SNX27: variants seen among roughly 807,000 people sequenced by gnomAD.
SNX27 encodes the protein sorting nexin-27.
In SNX27, 22 loss-of-function variants were observed where a neutral mutation model predicts 71.6. The ratio of observed to expected loss-of-function variants is 0.31; its 90% CI spans 0.22 to 0.44. The LOEUF (loss-of-function observed/expected upper bound fraction) is 0.44. Ranked by LOEUF, SNX27 falls within the 20% of genes least tolerant of loss-of-function variation. SNX27 has a pLI of 1.00. For synonymous variants in SNX27, 269 were observed against 277.2 expected (o/e 0.97, Z 0.29); for missense variants, 531 against 698.6 (o/e 0.76, Z 2.70).
At position 151,668,534 on chromosome 1, in the gene SNX27, G is replaced by A. The variant is rs947126545; in HGVS notation, c.1048G>A (p.Val350Met). ...KLYIQNYTSA[V>M]PGTCLTIRKW... ...CTACATTCAGAATTATACATCAGCT[G>A]TGCCAGGCACCTGCTTGACCATTCG... Residue 350 changes from valine to methionine, a missense_variant, in exon 7 of 12, where the codon GTG becomes ATG. By Grantham distance (21) the Val-to-Met change is conservative (BLOSUM62 1). Transcript: ENST00000458013. 1 of 1,613,988 alleles carries A rather than the reference G, an allele frequency of 6.2e-7. No individual in the cohort carries two copies. Among genetic ancestry groups the A allele is most frequent in the East Asian group, 2.2e-5 (1 of 44,852 alleles).
At chr1:151,671,344 C>T (rs1670446264) in intron 7 of SNX27, among the ~76,000 whole-genome samples, 1 of 151,894 alleles carries the variant, frequency 6.6e-6, no homozygotes, top group East Asian at 1.9e-4. Context: ...CACAGGCTAT[C>T]CTCCTGCCTC....
chr1:151,633,751 G>C (rs182061174), intron 1 of SNX27, among the ~76,000 whole-genome samples: 1 of 152,276 alleles, frequency 6.6e-6, no homozygotes, highest in South Asian at 2.1e-4. Context: ...TCCTCCCGCC[G>C]AGTGTATTTT....
intron 6 of SNX27, 73 bp downstream of exon 6, chr1:151,666,084 C>T: frequency 1.6e-6 from 2 of 1,237,152 alleles, no homozygotes; most frequent in South Asian, 1.3e-5. Context: ...TAGAGAAGAG[C>T]TTGAAGACAA....
chr1:151,674,977 C>T (rs1285472523), intron 7 of SNX27, among the ~76,000 whole-genome samples: 2 of 152,086 alleles, frequency 1.3e-5, no homozygotes, highest in East Asian at 1.9e-4. Context: ...TGAGCCACCG[C>T]GCCCGGCACT....
chr1:151,669,060 G>GGTTTGTTT (rs963629767), intron 7 of SNX27: 2 of 152,674 alleles, frequency 1.3e-5, no homozygotes, highest in African/African-American at 4.8e-5. Flanking sequence ...GTTTTTTATT[G>GGTTTGTTT]GTTTGTTTGT....
At chr1:151,618,155 T>TA (rs1431791321) in intron 1 of SNX27, among the ~76,000 whole-genome samples, 1 of 152,036 alleles carries the variant, frequency 6.6e-6, no homozygotes, top group East Asian at 1.9e-4. Flanking sequence ...CTTGAGCACC[T>TA]GGCTGCTTAA....
At position 151,612,285 on chromosome 1, in the gene SNX27, C is replaced by T. The variant is rs1376598124; in HGVS notation, c.84C>T (p.Leu28=). Reference sequence around the variant, plus strand: ...GCGGCGGCGGCGGGGGGTCTGGGCTCCACTGCGCCGGGAACGGCGGCGGGG... The same window carrying T: ...GCGGCGGCGGCGGGGGGTCTGGGCTTCACTGCGCCGGGAACGGCGGCGGGG... ...GGGGGGGGSG[L]HCAGNGGGGG... The change falls in exon 1 of 12, where the codon CTC becomes CTT. Residue 28 remains leucine, a synonymous_variant. Transcript: ENST00000458013. The surrounding 1 kb of genome is among the most constrained non-coding windows in gnomAD (Gnocchi z 5.2). 16 of 1,504,456 alleles carry T rather than the reference C, an allele frequency of 1.1e-5. No homozygotes were observed. The highest frequency in any genetic ancestry group is 1.4e-5 in the Non-Finnish European group (16 of 1,128,858). 93.2% of individuals were successfully genotyped at this position (1,504,456 alleles called of 1,614,324 possible).
chr1:151,671,393 A>G (rs898195418), intron 7 of SNX27, among the ~76,000 whole-genome samples: 1 of 151,946 alleles, frequency 6.6e-6, no homozygotes, highest in Non-Finnish European at 1.5e-5. Context: ...CCATGCCACC[A>G]TGCCCGACTG....
chr1:151,674,851 TA>T (rs1436438966), intron 7 of SNX27, among the ~76,000 whole-genome samples: 1 of 152,046 alleles, frequency 6.6e-6, no homozygotes. Flanking sequence ...CACACCCAGC[TA>T]ATTTTTGTAT....
intron 2 of SNX27, among the ~76,000 whole-genome samples, chr1:151,643,124 C>T (rs935782249): frequency 6.6e-6 from 1 of 151,470 alleles, no homozygotes; most frequent in South Asian, 2.1e-4. Flanking sequence ...GCCACCACAC[C>T]CGGCCAATTT....
At chr1:151,636,666 T>TAAAAAAA (rs11333472) in intron 1 of SNX27, among the ~76,000 whole-genome samples, 1 of 97,564 alleles carries the variant, frequency 1.0e-5, no homozygotes, top group African/African-American at 3.8e-5. Context: ...TCCACTTTTG[T>TAAAAAAA]AAAAAAAAAA....
chr1:151,692,369 T>G, intron 8 of SNX27, 66 bp from the exon 9 acceptor site: 1 of 1,459,422 alleles, frequency 6.9e-7, no homozygotes, highest in South Asian at 1.5e-5. Context: ...TTTATTGTGT[T>G]TAATACCATA....
intron 2 of SNX27, among the ~76,000 whole-genome samples, chr1:151,652,403 CTTTTTTTTTT>C (rs993535169): frequency 1.5e-5 from 2 of 133,282 alleles, no homozygotes; most frequent in East Asian, 4.2e-4. Context: ...GATACCACGC[CTTTTTTTTTT>C]TTTTTTTTTT....
intron 8 of SNX27, among the ~76,000 whole-genome samples, chr1:151,684,179 G>T (rs756545995): frequency 1.3e-5 from 2 of 151,978 alleles, no homozygotes; most frequent in Non-Finnish European, 2.9e-5. Context: ...TTTATGCTCC[G>T]TAGTGCTCTT....
rs567535246 is a variant in SNX27, at chr1:151,612,574, C to T, written c.311+62C>T. The T allele has an allele frequency of 1.2e-4, 140 of 1,196,972 alleles. No individual in the cohort carries two copies. The highest frequency in any genetic ancestry group is 8.5e-4 in the Admixed American group (20 of 23,646). The allele number at this position is 1,196,972 out of a possible 1,614,324, so 74.1% of individuals were successfully genotyped here. On this transcript the variant is annotated intron_variant, in intron 1 of 11. Coordinates refer to ENST00000458013, the MANE Select transcript of SNX27 (RefSeq NM_001330723.2). The surrounding 1 kb of genome is among the most constrained non-coding windows in gnomAD (Gnocchi z 5.2). ...GCGCCCCTCCTGCCCCTGCACTCCT[C>T]GCTACCCTTGTCACCCCCAGGCCGC...
chr1:151,662,476 G>C, intron 5 of SNX27: 1 of 329,438 alleles, frequency 3.0e-6, no homozygotes, highest in Non-Finnish European at 5.8e-6. Flanking sequence ...TGTAGTAGTT[G>C]TGATTAACGC....
intron 1 of SNX27, among the ~76,000 whole-genome samples, chr1:151,637,586 T>C (rs1668527302): frequency 6.6e-6 from 1 of 152,174 alleles, no homozygotes; most frequent in Non-Finnish European, 1.5e-5. Context: ...ATTGTAAAAT[T>C]ACTGATTTTT....
At chr1:151,664,295 A>T (rs1670099508) in intron 5 of SNX27, among the ~76,000 whole-genome samples, 1 of 151,066 alleles carries the variant, frequency 6.6e-6, no homozygotes, top group Non-Finnish European at 1.5e-5. Context: ...GATTTAATCG[A>T]TAACATATAT....
At chr1:151,640,653 G>A (rs922442245) in intron 2 of SNX27, among the ~76,000 whole-genome samples, 1 of 152,180 alleles carries the variant, frequency 6.6e-6, no homozygotes, top group Non-Finnish European at 1.5e-5. Flanking sequence ...GGGATTACAG[G>A]TATGAGACAC....
Sources: gnomAD v4.1 joint callset for allele counts (sites outside exome capture counted in the v4.1 genomes callset) on GRCh38, gnomAD v4.1.1 for gene constraint, Gnocchi (gnomAD v3.1) non-coding constraint, MANE v1.5 for transcripts, NCBI Gene and HGNC (gene_info 2026-07-23, HGNC 2026-07-21) for gene names.